EXT1: variants seen among roughly 807,000 people sequenced by gnomAD.
The protein encoded by EXT1 is exostosin glycosyltransferase 1.
A neutral mutation model predicts 82.5 loss-of-function variants in EXT1; 20 were observed. The observed-to-expected ratio is 0.24, with a 90% confidence interval of 0.17 to 0.35. The LOEUF (loss-of-function observed/expected upper bound fraction) is 0.35. EXT1 is among the 10% of genes least tolerant of loss of function. The pLI, the probability that EXT1 is intolerant of heterozygous loss-of-function variation, is 1.00. For missense variants in EXT1, 757 were observed against 936.5 expected, an observed-to-expected ratio of 0.81 and a Z score of 2.50; for synonymous variants, 348 against 350.8, an observed-to-expected ratio of 0.99 and a Z score of 0.09.
chr8:117,859,702 T>C (rs968977786), intron 1 of EXT1, among the ~76,000 whole-genome samples: 3 of 152,228 alleles, frequency 2.0e-5, no homozygotes, highest in Non-Finnish European at 4.4e-5. Context: ...GCTTTTTGGT[T>C]TTACTGAACA....
chr8:117,875,821 A>G (rs535835842), intron 1 of EXT1, among the ~76,000 whole-genome samples: 9 of 152,290 alleles, frequency 5.9e-5, no homozygotes, highest in African/African-American at 1.9e-4. Context: ...GCAAATGCCC[A>G]TCTGGCCCTT....
chr8:117,848,688 A>G (rs547034628), intron 1 of EXT1, among the ~76,000 whole-genome samples: 3 of 152,296 alleles, frequency 2.0e-5, no homozygotes, highest in African/African-American at 7.2e-5. Flanking sequence ...TGGATTTTGC[A>G]ATTCAGTGAC....
intron 1 of EXT1, among the ~76,000 whole-genome samples, chr8:117,911,556 A>G (rs765076923): frequency 6.4e-4 from 98 of 152,342 alleles, no homozygotes; most frequent in Middle Eastern, 3.4e-3. Context: ...AGAGAAGGCA[A>G]GTCAAGAGCT....
intron 1 of EXT1, among the ~76,000 whole-genome samples, chr8:118,034,939 T>C (rs984995377): frequency 6.6e-6 from 1 of 152,222 alleles, no homozygotes; most frequent in South Asian, 2.1e-4. Context: ...CCCCTATAGG[T>C]ATTAGGAGCA....
intron 1 of EXT1, among the ~76,000 whole-genome samples, chr8:117,956,945 C>A (rs990833499): frequency 2.6e-5 from 4 of 152,062 alleles, no homozygotes; most frequent in African/African-American, 9.7e-5. Flanking sequence ...ATGTTCTGCC[C>A]AATTCAATCC....
chr8:118,038,013 T>C (rs1027134369), intron 1 of EXT1, among the ~76,000 whole-genome samples: 1 of 151,968 alleles, frequency 6.6e-6, no homozygotes, highest in African/African-American at 2.4e-5. Flanking sequence ...GCTAATTTTT[T>C]TGTATTATTA....
chr8:117,953,442 C>G (rs1814529310), intron 1 of EXT1, among the ~76,000 whole-genome samples: 2 of 151,660 alleles, frequency 1.3e-5, no homozygotes, highest in South Asian at 4.2e-4. Context: ...CCCAATGAAG[C>G]AAACAGCCTC....
chr8:117,992,638 G>A (rs17505037), intron 1 of EXT1, among the ~76,000 whole-genome samples: 8,705 of 151,946 alleles, frequency 0.057, 829 homozygotes, highest in African/African-American at 0.2. Flanking sequence ...TCCCTGCAGG[G>A]CCTCAGCTGA....
chr8:117,872,057 A>G (rs1296396869), intron 1 of EXT1, among the ~76,000 whole-genome samples: 1 of 151,016 alleles, frequency 6.6e-6, no homozygotes, highest in South Asian at 2.1e-4. Context: ...TCTTGGGCTC[A>G]GTAGCTCAGT....
chr8:118,004,599 A>G (rs892857269), intron 1 of EXT1, among the ~76,000 whole-genome samples: 3 of 152,306 alleles, frequency 2.0e-5, no homozygotes, highest in African/African-American at 7.2e-5. Flanking sequence ...CAATCTTTCT[A>G]TCACCTTTTC....
chr8:118,036,533 C>T (rs1816421985), intron 1 of EXT1, among the ~76,000 whole-genome samples: 2 of 152,150 alleles, frequency 1.3e-5, no homozygotes, highest in South Asian at 4.1e-4. Context: ...GTCACAAACC[C>T]TTGAGGATAG....
intron 1 of EXT1, among the ~76,000 whole-genome samples, chr8:117,861,072 T>C (rs1433397256): frequency 2.6e-5 from 4 of 152,234 alleles, no homozygotes; most frequent in African/African-American, 9.6e-5. Context: ...CTGGCCTTCA[T>C]CTACCCACTG....
chr8:117,972,148 C>CAA (rs34241911), intron 1 of EXT1, among the ~76,000 whole-genome samples: 1,813 of 107,386 alleles, frequency 0.017, 16 homozygotes, highest in Non-Finnish European at 0.023. Context: ...AAAACTCCAA[C>CAA]AAAAAAAAAA....
intron 1 of EXT1, among the ~76,000 whole-genome samples, chr8:117,928,559 AAC>A (rs1234189306): frequency 6.8e-4 from 104 of 152,330 alleles, no homozygotes; most frequent in African/African-American, 2.4e-3. Context: ...AAAAATACTA[AAC>A]AGAGAATGCA....
At chr8:118,090,930 T>C (rs1817512640) in intron 1 of EXT1, among the ~76,000 whole-genome samples, 1 of 151,998 alleles carries the variant, frequency 6.6e-6, no homozygotes, top group Admixed American at 6.6e-5. Context: ...TGGCTGAGCA[T>C]GGCATGCTGG....
chr8:117,854,712 G>A (rs933962560), intron 1 of EXT1, among the ~76,000 whole-genome samples: 9 of 152,106 alleles, frequency 5.9e-5, no homozygotes, highest in South Asian at 2.1e-4. Flanking sequence ...ACAGTATTGC[G>A]TCCTAAGTGT....
intron 1 of EXT1, among the ~76,000 whole-genome samples, chr8:118,065,255 T>A (rs1363693109): frequency 6.6e-6 from 1 of 152,198 alleles, no homozygotes; most frequent in Non-Finnish European, 1.5e-5. Context: ...TAAGCTTTTT[T>A]TCATATGTTT....
At chr8:117,980,056 T>C (rs1815154446) in intron 1 of EXT1, among the ~76,000 whole-genome samples, 1 of 152,148 alleles carries the variant, frequency 6.6e-6, no homozygotes, top group Non-Finnish European at 1.5e-5. Context: ...CTGTCTAAGA[T>C]AGCTAGAAGT....
At chr8:117,841,317 T>C (rs1812270728) in intron 1 of EXT1, among the ~76,000 whole-genome samples, 2 of 152,190 alleles carry the variant, frequency 1.3e-5, no homozygotes, top group South Asian at 4.1e-4. Context: ...AAAGTGTACA[T>C]ACTGTTGAAT....
Sources: allele counts gnomAD v4.1 joint callset (sites outside exome capture counted in the v4.1 genomes callset), GRCh38; gene constraint gnomAD v4.1.1; transcripts MANE v1.5; gene names NCBI Gene and HGNC (gene_info 2026-07-23, HGNC 2026-07-21).